ADAMTS20: variants seen among roughly 807,000 people sequenced by gnomAD.
ADAMTS20 encodes A disintegrin and metalloproteinase with thrombospondin motifs 20.
ADAMTS20 carries 225 observed loss-of-function variants against 260.1 expected under a neutral mutation model. The ratio of observed to expected loss-of-function variants is 0.87; its 90% CI spans 0.78 to 0.97. The LOEUF (loss-of-function observed/expected upper bound fraction) is 0.97. Among genes scored for constraint, ADAMTS20 ranks in the 50% least tolerant of loss-of-function variants. The pLI is 0.00. For missense variants in ADAMTS20, 2,400 were observed against 2,337.7 expected, an observed-to-expected ratio of 1.03 and a Z score of -0.55; for synonymous variants, 802 against 769.5, an observed-to-expected ratio of 1.04 and a Z score of -0.70.
Position 43,501,055 on chromosome 12 carries a change from CT to C in ADAMTS20, c.867+1096del, listed in dbSNP as rs79075751. 8.5e-4 allele frequency among the ~76,000 whole-genome samples: 89 copies of C among 104,862 alleles called. 1 individual carries two copies. Among genetic ancestry groups the C allele is most frequent in the South Asian group, 6.7e-3 (18 of 2,670 alleles). 68.8% of individuals were successfully genotyped at this position (104,862 alleles called of 152,430 possible). A position where few individuals can be genotyped will look rare whatever the true frequency, so the allele number is the denominator to read the frequency against. On this transcript the variant is annotated intron_variant, in intron 4 of 38. Coordinates refer to ENST00000389420, the MANE Select transcript of ADAMTS20 (RefSeq NM_025003.5). ...TCTATAAATAGGTGGCTATGTAATT[CT>C]TTTTTTTTTTTTTTTTTTTGAGTCA... is the stretch of plus-strand genomic sequence containing the variant.
chr12:43,486,399 CTA>C (rs1942523547), intron 7 of ADAMTS20, among the ~76,000 whole-genome samples: 1 of 151,950 alleles, frequency 6.6e-6, no homozygotes, highest in Non-Finnish European at 1.5e-5. Flanking sequence ...AACTGTATCC[CTA>C]TATTTCACCT....
intron 4 of ADAMTS20, among the ~76,000 whole-genome samples, chr12:43,497,087 C>T (rs532866449): frequency 7.2e-5 from 11 of 151,992 alleles, no homozygotes; most frequent in South Asian, 2.1e-4. Context: ...GCTATGTATT[C>T]GAATTTTTAT....
At chr12:43,477,491 A>G (rs1942377000) in intron 7 of ADAMTS20, among the ~76,000 whole-genome samples, 1 of 152,200 alleles carries the variant, frequency 6.6e-6, no homozygotes, top group African/African-American at 2.4e-5. Flanking sequence ...CAAGTGTGGA[A>G]GACTGGCATT....
intron 14 of ADAMTS20, 123 bp downstream of exon 14, chr12:43,452,148 TTGC>T: frequency 1.1e-6 from 1 of 951,476 alleles, no homozygotes. Context: ...ATAACAAAGG[TTGC>T]TTTGTTGGAA....
chr12:43,401,512 T>C (rs1940809048), intron 28 of ADAMTS20, among the ~76,000 whole-genome samples: 1 of 151,876 alleles, frequency 6.6e-6, no homozygotes, highest in Non-Finnish European at 1.5e-5. Flanking sequence ...AACTCACACA[T>C]GTAGTACACT....
chr12:43,551,284 G>T lies in ADAMTS20; in HGVS notation c.92-14C>A. The T allele has an allele frequency of 6.2e-7, 1 of 1,605,502 alleles. No homozygotes were observed. The highest frequency in any genetic ancestry group is 8.5e-7 in the Non-Finnish European group (1 of 1,174,498). ...TCACCAGGGCTTCTGCAACAACAGCGACAGGACCAGTGAGCTCCCACGCGT... is the reference window on the plus strand; with the variant it reads ...TCACCAGGGCTTCTGCAACAACAGCTACAGGACCAGTGAGCTCCCACGCGT... On this transcript the variant is annotated splice_polypyrimidine_tract_variant and intron_variant, in intron 1 of 38. Coordinates refer to ENST00000389420, the MANE Select transcript of ADAMTS20 (RefSeq NM_025003.5). This position sits in a 1 kb window ranked among gnomAD's most constrained non-coding sequence, Gnocchi z 4.6.
At chr12:43,517,812 C>A (rs1030743277) in intron 3 of ADAMTS20, among the ~76,000 whole-genome samples, 1 of 152,036 alleles carries the variant, frequency 6.6e-6, no homozygotes, top group Non-Finnish European at 1.5e-5. Flanking sequence ...AACAGTATGA[C>A]ATTGGCACAA....
Position 43,430,387 on chromosome 12 carries a change from C to G in ADAMTS20, c.3346G>C (p.Glu1116Gln). 1.9e-6 allele frequency: 3 copies of G among 1,612,628 alleles called. No homozygotes were observed. In the African/African-American group the frequency reaches 4.0e-5, roughly 21 times the overall value. Residue 1116 changes from glutamate (E) to glutamine (Q), a missense_variant, in exon 23 of 39, where the codon GAA becomes CAA. Physicochemically the swap from Glu to Gln is conservative, Grantham distance 29. Transcript: ENST00000389420. The part of the protein sequence containing the change: ...ELASAVLEDT[E>Q]CHEASRPSDR... Reference sequence around the variant, plus strand: ...CTGGGGCGACTAGCTTCATGGCATTCTGTGTCCTCTAACACTGCACTAGCT... The same window carrying G: ...CTGGGGCGACTAGCTTCATGGCATTGTGTGTCCTCTAACACTGCACTAGCT...
chr12:43,503,753 T>G (rs1942801811), intron 3 of ADAMTS20, among the ~76,000 whole-genome samples: 1 of 152,080 alleles, frequency 6.6e-6, no homozygotes, highest in African/African-American at 2.4e-5. Flanking sequence ...AGGTGTCTTT[T>G]ACTTGGTGTG....
intron 7 of ADAMTS20, 54 bp downstream of exon 7, chr12:43,490,341 A>G: frequency 1.1e-6 from 1 of 925,112 alleles, no homozygotes; most frequent in South Asian, 1.9e-5. Context: ...ACATTATTGT[A>G]AATAATTCAA....
At chr12:43,404,120 T>A (rs1940866437) in intron 28 of ADAMTS20, among the ~76,000 whole-genome samples, 1 of 152,010 alleles carries the variant, frequency 6.6e-6, no homozygotes, top group Admixed American at 6.6e-5. Flanking sequence ...AAGTGTCTGT[T>A]CTATGTCTCT....
At chr12:43,497,846 AATCTGC>A (rs1369124548) in intron 4 of ADAMTS20, among the ~76,000 whole-genome samples, 1 of 152,102 alleles carries the variant, frequency 6.6e-6, no homozygotes, top group East Asian at 1.9e-4. Flanking sequence ...TACATTATTA[AATCTGC>A]AACAGGATGA....
intron 15 of ADAMTS20, 107 bp downstream of exon 15, chr12:43,446,488 G>T: frequency 1.2e-6 from 1 of 808,414 alleles, no homozygotes; most frequent in Non-Finnish European, 2.0e-6. Context: ...TGGACTAAGG[G>T]TATAGAGTAG....
chr12:43,381,164 G>T (rs1249796324), intron 31 of ADAMTS20, among the ~76,000 whole-genome samples: 1 of 152,076 alleles, frequency 6.6e-6, no homozygotes, highest in Admixed American at 6.6e-5. Context: ...TTTTCATGCA[G>T]AAGGATGAAA....
chr12:43,491,561 TG>T (rs1942600294), intron 6 of ADAMTS20, among the ~76,000 whole-genome samples: 1 of 152,180 alleles, frequency 6.6e-6, no homozygotes, highest in Admixed American at 6.5e-5. Context: ...TTATATATTC[TG>T]GTAGTATCAC....
intron 37 of ADAMTS20, among the ~76,000 whole-genome samples, chr12:43,366,170 A>G (rs1309141492): frequency 6.6e-6 from 1 of 151,902 alleles, no homozygotes; most frequent in East Asian, 1.9e-4. Context: ...TAGCAATTCT[A>G]ACAGAGCTGG....
intron 11 of ADAMTS20, among the ~76,000 whole-genome samples, chr12:43,456,770 T>C (rs913540011): frequency 1.3e-5 from 2 of 152,124 alleles, no homozygotes; most frequent in South Asian, 2.1e-4. Flanking sequence ...CTAATTCCGA[T>C]TGGCTCTTTT....
chr12:43,527,634 G>A (rs76307518), intron 3 of ADAMTS20, among the ~76,000 whole-genome samples: 66 of 152,010 alleles, frequency 4.3e-4, no homozygotes, highest in Non-Finnish European at 8.0e-4. Flanking sequence ...AAAAAATCCA[G>A]CATCTCTTTA....
intron 2 of ADAMTS20, among the ~76,000 whole-genome samples, chr12:43,535,588 A>G (rs1943283834): frequency 6.6e-6 from 1 of 152,214 alleles, no homozygotes; most frequent in South Asian, 2.1e-4. Flanking sequence ...GATGTTTGAA[A>G]TATCTAAAAA....
Sources: allele counts gnomAD v4.1 joint callset (sites outside exome capture counted in the v4.1 genomes callset), GRCh38; gene constraint gnomAD v4.1.1; non-coding constraint Gnocchi (gnomAD v3.1); transcripts MANE v1.5; gene names NCBI Gene and HGNC (gene_info 2026-07-23, HGNC 2026-07-21).